PLA2G4E: variants seen among roughly 807,000 people sequenced by gnomAD.
PLA2G4E encodes the protein cytosolic phospholipase A2 epsilon.
PLA2G4E carries 84 observed loss-of-function variants against 109.1 expected under a neutral mutation model. That is an observed-to-expected ratio of 0.77 (90% CI 0.65 to 0.92). The LOEUF (loss-of-function observed/expected upper bound fraction) is 0.92. Ranked by LOEUF, PLA2G4E falls within the 40% of genes least tolerant of loss-of-function variation. The probability of loss-of-function intolerance (pLI) is 0.00; values close to 1 mark genes in which losing one functional copy is unlikely to be tolerated. For missense variants in PLA2G4E, 1,057 were observed against 1,076.6 expected (o/e 0.98, Z 0.25); for synonymous variants, 469 against 436.1 (o/e 1.08, Z -0.94).
At chr15:41,985,982 T>A (rs1191605682) in exon 18 of PLA2G4E, 2 of 1,599,258 alleles carry the variant, frequency 1.3e-6, no homozygotes, top group African/African-American at 1.3e-5. Context: ...GTCAGCTGGT[T>A]TGGGAAACCA....
intron 1 of PLA2G4E, among the ~76,000 whole-genome samples, chr15:42,018,157 G>C (rs2068614168): frequency 6.6e-6 from 1 of 152,220 alleles, no homozygotes; most frequent in South Asian, 2.1e-4. Context: ...TACCTATTTT[G>C]CTTCTGATAT....
At chr15:42,036,669 C>T (rs1889222018) in intron 1 of PLA2G4E, among the ~76,000 whole-genome samples, 1 of 152,308 alleles carries the variant, frequency 6.6e-6, no homozygotes, top group South Asian at 2.1e-4. Flanking sequence ...AGCTCATAGC[C>T]GTGTCGCCCC....
intron 7 of PLA2G4E, 21 bp from the exon 8 acceptor site, chr15:42,000,303 G>C: frequency 6.5e-7 from 1 of 1,547,594 alleles, no homozygotes; most frequent in Non-Finnish European, 8.7e-7. Flanking sequence ...GGACAAGAGG[G>C]TGAGACCCTG....
intron 16 of PLA2G4E, among the ~76,000 whole-genome samples, chr15:41,987,810 G>A (rs182321878): frequency 2.6e-5 from 4 of 152,234 alleles, no homozygotes; most frequent in Non-Finnish European, 5.9e-5. Context: ...GTGACGATGC[G>A]GAAACATGTG....
chr15:41,992,847 C>G, exon 13 of PLA2G4E: 1 of 1,614,022 alleles, frequency 6.2e-7, no homozygotes, highest in South Asian at 1.1e-5. Context: ...CGGAGCTGGT[C>G]TGGGAACAGG....
rs975079220 is a variant in PLA2G4E, at chr15:41,987,144, G to A, written c.2035+28C>T. The stretch of plus-strand genomic sequence containing the variant: ...ATCTTCCTCCTCCATATGGAGGCAG[G>A]CCTCAAGGAGTAGCCAGGTAGGGTT... On this transcript the variant is annotated intron_variant, in intron 17 of 19. Coordinates refer to ENST00000399518, the Ensembl canonical transcript of PLA2G4E. 16 of 1,588,200 alleles carry A rather than the reference G, an allele frequency of 1.0e-5. No homozygotes were observed. The African/African-American group carries it at 1.9e-4, about 19-fold the overall frequency.
At chr15:42,000,409 A>C in intron 7 of PLA2G4E, 127 bp from the exon 8 acceptor site, 1 of 884,362 alleles carries the variant, frequency 1.1e-6, no homozygotes, top group Non-Finnish European at 1.7e-6. Context: ...ACCAGTTCAA[A>C]TTCCCCAGAG....
Position 41,987,351 on chromosome 15 carries a change from A to AT in PLA2G4E, c.1855dup (p.Ile619AsnfsTer5), listed in dbSNP as rs2068158895. Reference sequence around the variant, plus strand: ...CAGGATGTTAGCATCACATTTGGGGATTTCAGGCAGGATCGGCTCGTCTTC... The same window carrying AT: ...CAGGATGTTAGCATCACATTTGGGGATTTTCAGGCAGGATCGGCTCGTCTTC... On this transcript the variant is annotated frameshift_variant, in exon 17 of 20. Transcript: ENST00000399518. LOFTEE classifies it high-confidence loss of function. 2 of 1,613,610 alleles carry AT rather than the reference A, an allele frequency of 1.2e-6. No homozygotes were observed. The highest frequency in any genetic ancestry group is 1.7e-6 in the Non-Finnish European group (2 of 1,179,670).
At chr15:42,025,179 G>C (rs1341123991) in intron 1 of PLA2G4E, among the ~76,000 whole-genome samples, 4 of 143,884 alleles carry the variant, frequency 2.8e-5, no homozygotes, top group African/African-American at 1.1e-4. Context: ...CTGGGAGACA[G>C]AGTGAAACTC....
intron 17 of PLA2G4E, 121 bp downstream of exon 17, chr15:41,987,051 T>C: frequency 1.0e-6 from 1 of 998,898 alleles, no homozygotes. Flanking sequence ...GGGAGAGAGG[T>C]GCCTGGCCCA....
At chr15:42,013,899 T>G (rs906463927) in intron 1 of PLA2G4E, 142 bp from the exon 2 acceptor site, 4 of 623,476 alleles carry the variant, frequency 6.4e-6, no homozygotes, top group East Asian at 5.9e-5. Flanking sequence ...TTTTTTTTTT[T>G]TTTTTTTTTT....
At chr15:42,009,705 TACAC>T (rs1029708949) in intron 2 of PLA2G4E, 1 of 160,438 alleles carries the variant, frequency 6.2e-6, no homozygotes, top group African/African-American at 2.4e-5. Flanking sequence ...CACTCAAACT[TACAC>T]ACACGCACTC....
chr15:42,034,249 G>C (rs1889168716), intron 1 of PLA2G4E, among the ~76,000 whole-genome samples: 1 of 152,150 alleles, frequency 6.6e-6, no homozygotes, highest in African/African-American at 2.4e-5. Context: ...AAGTATTTTT[G>C]GAAGTAGAGA....
chr15:42,020,039 G>C (rs2068633458), intron 1 of PLA2G4E, among the ~76,000 whole-genome samples: 1 of 152,252 alleles, frequency 6.6e-6, no homozygotes, highest in Non-Finnish European at 1.5e-5. Flanking sequence ...CCCAAGTGCT[G>C]TGGGGAAACC....
exon 16 of PLA2G4E, chr15:41,988,125 C>T (rs1314158538): frequency 1.2e-6 from 2 of 1,604,488 alleles, no homozygotes; most frequent in African/African-American, 1.3e-5. Flanking sequence ...AGGCATCCAG[C>T]AGGTTCAGGG....
At chr15:42,007,789 G>A (rs745483868) in exon 3 of PLA2G4E, 4 of 1,612,200 alleles carry the variant, frequency 2.5e-6, no homozygotes, top group African/African-American at 2.7e-5. Context: ...TTGGGCAGTT[G>A]GAGATGGTCC....
chr15:42,028,782 T>C (rs140880196), intron 1 of PLA2G4E, among the ~76,000 whole-genome samples: 174 of 152,274 alleles, frequency 1.1e-3, no homozygotes, highest in African/African-American at 4.0e-3. Flanking sequence ...CTAAAACAAA[T>C]GTACAATGAA....
chr15:41,992,396 A>G (rs2068264657), intron 13 of PLA2G4E, among the ~76,000 whole-genome samples: 2 of 152,162 alleles, frequency 1.3e-5, no homozygotes, highest in South Asian at 4.1e-4. Context: ...CCCTAGGGTC[A>G]GACTCGCTTC....
At chr15:41,984,485 C>A (rs377203810) in exon 19 of PLA2G4E, 1 of 1,613,924 alleles carries the variant, frequency 6.2e-7, no homozygotes, top group Non-Finnish European at 8.5e-7. Context: ...GGAAGAAAGT[C>A]ACGATGGGGG....
Sources: allele counts gnomAD v4.1 joint callset (sites outside exome capture counted in the v4.1 genomes callset), GRCh38; gene constraint gnomAD v4.1.1; transcripts MANE v1.5; gene names NCBI Gene and HGNC (gene_info 2026-07-23, HGNC 2026-07-21).